The following PLEKHM3 variants were observed in gnomAD, a reference collection of about 807,000 sequenced individuals.
PLEKHM3 encodes pleckstrin homology domain-containing family M member 3.
In PLEKHM3, 45 loss-of-function variants were observed where a neutral mutation model predicts 81.8. The ratio of observed to expected loss-of-function variants is 0.55; its 90% CI spans 0.43 to 0.71. The LOEUF is 0.71. Among genes scored for constraint, PLEKHM3 ranks in the 30% least tolerant of loss-of-function variants. The pLI is 0.00. For missense variants in PLEKHM3, 788 were observed against 924.3 expected (o/e 0.85, Z 1.91); for synonymous variants, 352 against 356.4 (o/e 0.99, Z 0.14).
chr2:207,887,767 T>C (rs952615069), intron 6 of PLEKHM3, among the ~76,000 whole-genome samples: 1 of 152,198 alleles, frequency 6.6e-6, no homozygotes, highest in African/African-American at 2.4e-5. Flanking sequence ...TCCCTGGAAC[T>C]ATATTTAGTA....
rs574793392 is a variant in PLEKHM3, at chr2:207,887,955, T to C, written c.1950+20559A>G. ...ATCTCTAGACCCTATACTGGGCCTA[T>C]GTTGATGGTGGTCTCATTCAGAAAG... On this transcript the variant is annotated intron_variant, in intron 6 of 7. Coordinates refer to ENST00000427836, the MANE Select transcript of PLEKHM3 (RefSeq NM_001080475.3). Among the ~76,000 whole-genome samples, 9 of 152,352 alleles carry C rather than the reference T, an allele frequency of 5.9e-5. No homozygotes were observed. In the East Asian group the frequency reaches 1.7e-3, roughly 29 times the overall value.
rs1396762429 is a variant in PLEKHM3, at chr2:207,923,905, A to ATATATTTT, written c.1886+7020_1886+7021insAAAATATA. ...CATATATATATATATATATATATATATTTTTTTTTTTTTTTTTTTCTGAGG... is the reference window on the plus strand; with the variant it reads ...CATATATATATATATATATATATATATATATTTTTTTTTTTTTTTTTTTTTTTCTGAGG... On this transcript the variant is annotated intron_variant, in intron 5 of 7. Transcript: ENST00000427836. 2.4e-3 allele frequency among the ~76,000 whole-genome samples: 69 copies of ATATATTTT among 28,318 alleles called. 2 individuals are homozygous for ATATATTTT. Among genetic ancestry groups the ATATATTTT allele is most frequent in the Non-Finnish European group, 3.9e-3 (60 of 15,522 alleles). The allele number at this position is 28,318 out of a possible 152,430, so 18.6% of individuals were successfully genotyped here.
At chr2:207,904,289 C>T (rs1463840986) in intron 6 of PLEKHM3, among the ~76,000 whole-genome samples, 2 of 152,114 alleles carry the variant, frequency 1.3e-5, no homozygotes, top group East Asian at 1.9e-4. Flanking sequence ...AGAAATTCAC[C>T]TGGAATTCTA....
intron 5 of PLEKHM3, among the ~76,000 whole-genome samples, chr2:207,923,602 T>G (rs1024410675): frequency 7.2e-5 from 11 of 152,060 alleles, no homozygotes; most frequent in Middle Eastern, 3.4e-3. Context: ...AGCGAAACTC[T>G]GTCTCACACA....
At chr2:207,906,654 T>G (rs1187679584) in intron 6 of PLEKHM3, among the ~76,000 whole-genome samples, 1 of 151,994 alleles carries the variant, frequency 6.6e-6, no homozygotes. Flanking sequence ...ACAGGGCTGG[T>G]GGTACATGCT....
In PLEKHM3 at chr2:207,898,362, C is replaced by G. The variant is rs1688310795; in HGVS notation, c.1950+10152G>C. ...TCTGGTTCATCTGCACAACCTGTCT[C>G]CCCTTGGGCCTGCTTCAGGGACAGA... On this transcript the variant is annotated intron_variant, in intron 6 of 7. Coordinates refer to ENST00000427836, the MANE Select transcript of PLEKHM3 (RefSeq NM_001080475.3). Among the ~76,000 whole-genome samples, 3 of 152,308 alleles carry G rather than the reference C, an allele frequency of 2.0e-5. No individual in the cohort carries two copies. The South Asian group carries it at 6.2e-4, about 32-fold the overall frequency.
intron 5 of PLEKHM3, among the ~76,000 whole-genome samples, chr2:207,930,146 T>C (rs1401382782): frequency 6.6e-6 from 1 of 152,234 alleles, no homozygotes; most frequent in Non-Finnish European, 1.5e-5. Context: ...TGGTGTTCTA[T>C]GAACTATGAG....
In PLEKHM3 at chr2:207,910,791, G is replaced by T. The variant is rs950248390; in HGVS notation, c.1887-2214C>A. On this transcript the variant is annotated intron_variant, in intron 5 of 7. Transcript: ENST00000427836. ...CTCTGAAGGCAGCAGGGAGGGTGGAGAGACTACAGACAGGTGACAAGGCAT... is the reference window on the plus strand; with the variant it reads ...CTCTGAAGGCAGCAGGGAGGGTGGATAGACTACAGACAGGTGACAAGGCAT... 2.6e-5 allele frequency among the ~76,000 whole-genome samples: 4 copies of T among 152,204 alleles called. No homozygotes were observed. In the South Asian group the frequency reaches 8.3e-4, roughly 31 times the overall value.
At position 207,976,764 on chromosome 2, in the gene PLEKHM3, C is replaced by T. The variant is rs753970574; in HGVS notation, c.1433G>A (p.Gly478Asp). 71 of 1,614,084 alleles carry T rather than the reference C, an allele frequency of 4.4e-5. No individual in the cohort carries two copies. In the South Asian group the frequency reaches 7.1e-4, roughly 16 times the overall value. ...TTTGTTCTTCCTGAGTTCATGCCCA[C>T]CCATTTGATCCTTGGGTTTGTTCCT... The part of the protein sequence containing the change: ...TLRNKPKDQM[G>D]GHELRKNKRQ... Residue 478 changes from glycine to aspartate, a missense_variant, in exon 3 of 8, where the codon GGT becomes GAT. Transcript: ENST00000427836. The surrounding 1 kb of genome is among the most constrained non-coding windows in gnomAD (Gnocchi z 4.1).
At chr2:207,917,328 G>C (rs1017723049) in intron 5 of PLEKHM3, among the ~76,000 whole-genome samples, 10 of 152,222 alleles carry the variant, frequency 6.6e-5, no homozygotes, top group Admixed American at 6.5e-4. Flanking sequence ...CACTTAGTGA[G>C]CTTAAAGAAG....
chr2:207,942,832 G>A (rs1013678553), intron 4 of PLEKHM3, among the ~76,000 whole-genome samples: 2 of 152,108 alleles, frequency 1.3e-5, no homozygotes, highest in African/African-American at 2.4e-5. Context: ...CCTGGGAGGC[G>A]GAGGTTGCAG....
intron 5 of PLEKHM3, among the ~76,000 whole-genome samples, chr2:207,916,938 T>C (rs1689011617): frequency 6.6e-6 from 1 of 152,214 alleles, no homozygotes; most frequent in African/African-American, 2.4e-5. Context: ...TGTTTAGTCA[T>C]GAATGACACT....
Position 207,982,239 on chromosome 2 carries a change from C to G in PLEKHM3, c.611-4653G>C, listed in dbSNP as rs369685735. On this transcript the variant is annotated intron_variant, in intron 2 of 7. Transcript: ENST00000427836. ...TCCCTCCCTCCCTCCCTCACTCCCC[C>G]CCTCGCTCCCCCCCTCCCTCGCTCC... Among the ~76,000 whole-genome samples the G allele has an allele frequency of 7.4e-4, 94 of 127,458 alleles. No homozygotes were observed. The East Asian group carries it at 0.019, about 25-fold the overall frequency. 83.6% of individuals were successfully genotyped at this position (127,458 alleles called of 152,430 possible).
intron 3 of PLEKHM3, among the ~76,000 whole-genome samples, chr2:207,952,603 G>A (rs1265061752): frequency 1.3e-5 from 2 of 152,056 alleles, no homozygotes; most frequent in Non-Finnish European, 2.9e-5. Flanking sequence ...GTCCTCCCTG[G>A]GATTAGCACA....
intron 6 of PLEKHM3, among the ~76,000 whole-genome samples, chr2:207,891,516 G>T (rs1688059407): frequency 6.6e-6 from 1 of 152,164 alleles, no homozygotes; most frequent in Non-Finnish European, 1.5e-5. Context: ...CAGACTCTCT[G>T]CCCACAACTA....
intron 4 of PLEKHM3, among the ~76,000 whole-genome samples, chr2:207,943,867 C>CGAA (rs1559248980): frequency 3.2e-4 from 24 of 75,754 alleles, no homozygotes; most frequent in Admixed American, 5.2e-4. Flanking sequence ...GACTCCGTCT[C>CGAA]AAAAAAAAAA....
chr2:207,992,274 G>A (rs1434233994), intron 2 of PLEKHM3, among the ~76,000 whole-genome samples: 1 of 152,172 alleles, frequency 6.6e-6, no homozygotes, highest in African/African-American at 2.4e-5. Flanking sequence ...CTTGGATGAG[G>A]TCATCTTCTC....
chr2:207,960,440 C>G (rs1422819453), intron 3 of PLEKHM3, among the ~76,000 whole-genome samples: 2 of 152,190 alleles, frequency 1.3e-5, no homozygotes, highest in Non-Finnish European at 2.9e-5. Flanking sequence ...TCATGCCCTT[C>G]AGGACTCCAG....
intron 5 of PLEKHM3, among the ~76,000 whole-genome samples, chr2:207,922,931 C>T (rs549544121): frequency 2.0e-5 from 3 of 152,152 alleles, no homozygotes; most frequent in Admixed American, 1.3e-4. Context: ...AGAGGCAGCA[C>T]TTGAGTTGGC....
Sources: allele counts gnomAD v4.1 joint callset (sites outside exome capture counted in the v4.1 genomes callset), GRCh38; gene constraint gnomAD v4.1.1; non-coding constraint Gnocchi (gnomAD v3.1); transcripts MANE v1.5; gene names NCBI Gene and HGNC (gene_info 2026-07-23, HGNC 2026-07-21).